NEBL: variants seen among roughly 807,000 people sequenced by gnomAD.
NEBL encodes the protein LIM and SH3 protein 2.
In NEBL, 122 loss-of-function variants were observed where a neutral mutation model predicts 140.2. That is an observed-to-expected ratio of 0.87 (90% CI 0.75 to 1.01). The LOEUF is 1.01. Ranked by LOEUF, NEBL falls within the 50% of genes least tolerant of loss-of-function variation. The pLI, the probability that NEBL is intolerant of heterozygous loss-of-function variation, is 0.00. For missense variants in NEBL, 1,365 were observed against 1,231.3 expected, an observed-to-expected ratio of 1.11 and a Z score of -1.62; for synonymous variants, 436 against 398.9, an observed-to-expected ratio of 1.09 and a Z score of -1.11.
intron 2 of NEBL, among the ~76,000 whole-genome samples, chr10:21,026,533 A>G (rs1833506230): frequency 2.6e-5 from 4 of 152,170 alleles, no homozygotes; most frequent in Admixed American, 2.0e-4. Context: ...ATCTTTTGCC[A>G]TATTCTAAAT....
chr10:21,033,868 T>C (rs1388938445), intron 2 of NEBL, among the ~76,000 whole-genome samples: 1 of 152,000 alleles, frequency 6.6e-6, no homozygotes, highest in Non-Finnish European at 1.5e-5. Flanking sequence ...ATAAATTATT[T>C]CTTTAAAAAA....
chr10:20,931,408 G>C (rs1589030951), intron 4 of NEBL, among the ~76,000 whole-genome samples: 1 of 152,238 alleles, frequency 6.6e-6, no homozygotes, highest in East Asian at 1.9e-4. Flanking sequence ...TAAATTAAGA[G>C]AAACACTTTG....
rs576742081 is a variant in NEBL, at chr10:21,069,727, T to C, written c.165-49526A>G. Among the ~76,000 whole-genome samples the C allele has an allele frequency of 1.3e-3, 193 of 152,308 alleles. 1 individual carries two copies. The highest frequency in any genetic ancestry group is 4.5e-3 in the African/African-American group (186 of 41,562). On this transcript the variant is annotated intron_variant, in intron 2 of 6. Transcript: ENST00000417816. The stretch of plus-strand genomic sequence containing the variant: ...GACCAGGGTGAGGATAGAAATCTCA[T>C]TGCTAAGGATCACTGTTTCTAACCT...
intron 2 of NEBL, among the ~76,000 whole-genome samples, chr10:21,158,668 A>G (rs1247042645): frequency 6.6e-6 from 1 of 152,154 alleles, no homozygotes; most frequent in Non-Finnish European, 1.5e-5. Flanking sequence ...GGTCCCTAAG[A>G]TGCCACCCTC....
chr10:20,894,502 A>G (rs1218144803), intron 2 of NEBL, among the ~76,000 whole-genome samples: 1 of 151,896 alleles, frequency 6.6e-6, no homozygotes, highest in Non-Finnish European at 1.5e-5. Flanking sequence ...GGAAGGAAGG[A>G]AAAAAAGGAA....
At position 20,840,805 on chromosome 10, in the gene NEBL, T is replaced by C. The variant is rs727504866; in HGVS notation, c.1272A>G (p.Gly424=). Residue 424 remains glycine (G), a synonymous_variant, in exon 13 of 28, where the codon GGA becomes GGG. Transcript: ENST00000377122. ...CAAGAACTTCTGAATTAAGTTCCAT[T>C]CCTTTCCCTTTTATCTCATTTTCCA... The part of the protein sequence containing the change: ...KDLENEIKGK[G]MELNSEVLDI... 107 of 1,610,750 alleles carry C rather than the reference T, an allele frequency of 6.6e-5. No homozygotes were observed. The highest frequency in any genetic ancestry group is 1.7e-5 in the Admixed American group (1 of 59,884).
chr10:21,151,816 C>T (rs953837196), intron 2 of NEBL, among the ~76,000 whole-genome samples: 1 of 152,200 alleles, frequency 6.6e-6, no homozygotes, highest in African/African-American at 2.4e-5. Flanking sequence ...AACTCTCCTC[C>T]AACCCCCTGC....
At chr10:21,107,862 T>C (rs904915604) in intron 2 of NEBL, among the ~76,000 whole-genome samples, 6 of 152,210 alleles carry the variant, frequency 3.9e-5, no homozygotes, top group Non-Finnish European at 8.8e-5. Flanking sequence ...CATTGGTCTA[T>C]TCAGAGATTC....
intron 3 of NEBL, among the ~76,000 whole-genome samples, chr10:20,980,766 T>C (rs1045264706): frequency 1.3e-5 from 2 of 152,236 alleles, no homozygotes; most frequent in Non-Finnish European, 2.9e-5. Flanking sequence ...CTGGCTGCCT[T>C]TGTTAACAAA....
chr10:21,266,159 G>A (rs1842794605), intron 1 of NEBL, among the ~76,000 whole-genome samples: 1 of 151,208 alleles, frequency 6.6e-6, no homozygotes, highest in Non-Finnish European at 1.5e-5. Context: ...TTGTTTTGTT[G>A]AGATGGGGTC....
At chr10:21,139,325 T>C (rs1161587299) in intron 2 of NEBL, among the ~76,000 whole-genome samples, 1 of 151,970 alleles carries the variant, frequency 6.6e-6, no homozygotes, top group Admixed American at 6.6e-5. Flanking sequence ...TCAGACAGAA[T>C]AAAATGATGA....
chr10:21,219,732 T>C (rs925003623), intron 3 of NEBL, among the ~76,000 whole-genome samples: 4 of 152,212 alleles, frequency 2.6e-5, no homozygotes, highest in African/African-American at 7.2e-5. Flanking sequence ...AGGATGTTTT[T>C]TCACTTATTT....
intron 14 of NEBL, among the ~76,000 whole-genome samples, chr10:20,834,850 A>C (rs939644473): frequency 6.6e-6 from 1 of 152,200 alleles, no homozygotes; most frequent in Non-Finnish European, 1.5e-5. Flanking sequence ...TCCTTTGAAA[A>C]ATATGCATAT....
intron 2 of NEBL, chr10:21,110,770 G>T: frequency 3.8e-6 from 2 of 528,786 alleles, no homozygotes; most frequent in South Asian, 3.0e-5. Context: ...TGATGAAAAT[G>T]AGCACCAATT....
chr10:20,991,352 C>A (rs79066944), intron 3 of NEBL, among the ~76,000 whole-genome samples: 1 of 151,860 alleles, frequency 6.6e-6, no homozygotes, highest in African/African-American at 2.4e-5. Flanking sequence ...ATTTTTATGA[C>A]AGTGTTATAA....
intron 3 of NEBL, among the ~76,000 whole-genome samples, chr10:21,236,618 G>T (rs555140768): frequency 5.3e-5 from 8 of 152,218 alleles, no homozygotes; most frequent in Non-Finnish European, 1.2e-4. Flanking sequence ...CAAAGTGCTA[G>T]GATTGCAGGT....
At chr10:20,928,374 T>TA (rs1042378592) in intron 4 of NEBL, among the ~76,000 whole-genome samples, 6 of 151,970 alleles carry the variant, frequency 3.9e-5, no homozygotes, top group African/African-American at 9.7e-5. Context: ...AGTGCTAAGG[T>TA]AAAAAAATTA....
rs1273989607 is a variant in NEBL, at chr10:20,998,397, G to A, written c.249+21720C>T. ...AGCCTTAGCAAACAACTGGCTCATC[G>A]TTAACTCCCAGTAAATAATGTCTGT... On this transcript the variant is annotated intron_variant, in intron 3 of 6. Transcript: ENST00000417816. Among the ~76,000 whole-genome samples, 14 of 152,216 alleles carry A rather than the reference G, an allele frequency of 9.2e-5. No individual in the cohort carries two copies. The East Asian group carries it at 1.2e-3, about 13-fold the overall frequency.
chr10:21,104,965 C>T (rs933372194), intron 2 of NEBL, among the ~76,000 whole-genome samples: 2 of 152,190 alleles, frequency 1.3e-5, no homozygotes, highest in Non-Finnish European at 2.9e-5. Flanking sequence ...TGCTTTTCTA[C>T]ACCAATTAAG....
Sources: allele counts gnomAD v4.1 joint callset (sites outside exome capture counted in the v4.1 genomes callset), GRCh38; gene constraint gnomAD v4.1.1; transcripts MANE v1.5; gene names NCBI Gene and HGNC (gene_info 2026-07-23, HGNC 2026-07-21).